The following MAD1L1 variants were observed in gnomAD, a reference collection of about 807,000 sequenced individuals.
MAD1L1 encodes the protein mitotic spindle assembly checkpoint protein MAD1.
Under a neutral mutation model 96.9 loss-of-function variants are expected in MAD1L1, and 95 were observed. The ratio of observed to expected loss-of-function variants is 0.98; its 90% CI spans 0.83 to 1.16. MAD1L1 has a LOEUF of 1.16. MAD1L1 is among the 50% of genes most tolerant of loss of function. The pLI, the probability that MAD1L1 is intolerant of heterozygous loss-of-function variation, is 0.00. For synonymous variants in MAD1L1, 473 were observed against 396.6 expected, an observed-to-expected ratio of 1.19 and a Z score of -2.29; for missense variants, 1,007 against 954.4, an observed-to-expected ratio of 1.06 and a Z score of -0.73.
intron 10 of MAD1L1, among the ~76,000 whole-genome samples, chr7:2,208,854 G>A (rs1211870081): frequency 6.6e-6 from 1 of 152,012 alleles, no homozygotes; most frequent in East Asian, 1.9e-4. Flanking sequence ...TCACCCGTAA[G>A]TCACTCCCCG....
chr7:2,162,719 A>C (rs1790222009), intron 10 of MAD1L1, among the ~76,000 whole-genome samples: 4 of 151,926 alleles, frequency 2.6e-5, no homozygotes. Context: ...AAAAAAAAAA[A>C]AAAAAAACGT....
At chr7:2,225,904 A>G (rs964734448) in intron 3 of MAD1L1, among the ~76,000 whole-genome samples, 5 of 152,222 alleles carry the variant, frequency 3.3e-5, no homozygotes, top group African/African-American at 1.2e-4. Context: ...CTAAAAATCA[A>G]TGCAGTCGGC....
At chr7:1,854,410 C>T (rs758447779) in intron 18 of MAD1L1, 1 of 460,004 alleles carries the variant, frequency 2.2e-6, no homozygotes, top group Non-Finnish European at 4.4e-6. Context: ...GACTAGGTGG[C>T]TCGTAAACAG....
intron 5 of MAD1L1, among the ~76,000 whole-genome samples, chr7:2,219,825 G>C (rs1353854777): frequency 6.6e-6 from 1 of 152,148 alleles, no homozygotes; most frequent in Non-Finnish European, 1.5e-5. Flanking sequence ...CCTGCCACAA[G>C]CCACCCAGGA....
chr7:2,109,274 T>G (rs1200270800), intron 11 of MAD1L1, among the ~76,000 whole-genome samples: 1 of 152,180 alleles, frequency 6.6e-6, no homozygotes, highest in Non-Finnish European at 1.5e-5. Flanking sequence ...GCCACATGGA[T>G]AGTCCCTGCC....
At chr7:2,124,883 G>A (rs982759608) in intron 11 of MAD1L1, among the ~76,000 whole-genome samples, 10 of 152,164 alleles carry the variant, frequency 6.6e-5, no homozygotes, top group East Asian at 1.9e-4. Flanking sequence ...TGATGCCAGC[G>A]GGCCTCCCTG....
In MAD1L1 at chr7:2,006,542, G is replaced by A. The variant is rs1047763397; in HGVS notation, c.1360-4421C>T. On this transcript the variant is annotated intron_variant, in intron 13 of 18. Transcript: ENST00000265854. ...CAAAGAAAACACCGAAACCCGCACG[G>A]CCCAGCACAGGAGAGACGGGACATC... Among the ~76,000 whole-genome samples, 8 of 151,918 alleles carry A rather than the reference G, an allele frequency of 5.3e-5. No homozygotes were observed. In the East Asian group the frequency reaches 9.7e-4, roughly 18 times the overall value.
chr7:1,868,848 G>A (rs1003300680), intron 18 of MAD1L1, among the ~76,000 whole-genome samples: 1 of 152,164 alleles, frequency 6.6e-6, no homozygotes, highest in African/African-American at 2.4e-5. Flanking sequence ...GGGGCCCAGC[G>A]GTGCAAGCCC....
intron 15 of MAD1L1, among the ~76,000 whole-genome samples, chr7:1,978,318 T>C (rs1455985444): frequency 6.6e-6 from 1 of 152,200 alleles, no homozygotes; most frequent in Non-Finnish European, 1.5e-5. Context: ...CAAGGGTCTT[T>C]CTCCCCAGGT....
At chr7:1,876,127 G>A (rs994068756) in intron 18 of MAD1L1, among the ~76,000 whole-genome samples, 1 of 152,160 alleles carries the variant, frequency 6.6e-6, no homozygotes, top group African/African-American at 2.4e-5. Context: ...GGTGGACACG[G>A]CCAGGTCTTA....
chr7:1,839,174 A>G (rs1052799393), intron 18 of MAD1L1, among the ~76,000 whole-genome samples: 4 of 152,210 alleles, frequency 2.6e-5, no homozygotes, highest in Admixed American at 6.5e-5. Context: ...TTGGGGGCAA[A>G]AGGGGCTGGC....
intron 11 of MAD1L1, among the ~76,000 whole-genome samples, chr7:2,077,715 A>C (rs943122814): frequency 1.3e-5 from 2 of 152,220 alleles, no homozygotes; most frequent in African/African-American, 4.8e-5. Context: ...AGGATCCAGG[A>C]GGCTAGCAGG....
At chr7:1,839,744 C>T (rs1411749665) in intron 18 of MAD1L1, among the ~76,000 whole-genome samples, 1 of 152,082 alleles carries the variant, frequency 6.6e-6, no homozygotes, top group Non-Finnish European at 1.5e-5. Flanking sequence ...TCCCCCCCGC[C>T]TCCCCCCGGC....
intron 12 of MAD1L1, among the ~76,000 whole-genome samples, chr7:2,055,553 C>G (rs1252101658): frequency 1.3e-5 from 2 of 151,982 alleles, no homozygotes; most frequent in African/African-American, 4.8e-5. Context: ...ACCTGAAGTC[C>G]CAGCTACTCG....
intron 11 of MAD1L1, among the ~76,000 whole-genome samples, chr7:2,137,986 C>T (rs1485266130): frequency 5.9e-5 from 9 of 152,234 alleles, no homozygotes; most frequent in Admixed American, 5.9e-4. Flanking sequence ...CGACACAGGC[C>T]ATGATGGCAG....
intron 18 of MAD1L1, among the ~76,000 whole-genome samples, chr7:1,882,086 T>C (rs1022374931): frequency 4.6e-5 from 7 of 152,034 alleles, no homozygotes; most frequent in African/African-American, 1.7e-4. Flanking sequence ...CCGTTCACCA[T>C]GCACATCCAC....
chr7:2,017,103 T>C (rs543506826), intron 12 of MAD1L1, among the ~76,000 whole-genome samples: 12 of 152,372 alleles, frequency 7.9e-5, no homozygotes, highest in Admixed American at 7.2e-4. Context: ...AGAAAGTTTG[T>C]TGTTTGTACC....
intron 11 of MAD1L1, among the ~76,000 whole-genome samples, chr7:2,121,269 C>A (rs987423959): frequency 6.6e-6 from 1 of 152,240 alleles, no homozygotes; most frequent in African/African-American, 2.4e-5. Flanking sequence ...AGCCCAGATG[C>A]GGCTCCTCCG....
intron 11 of MAD1L1, chr7:2,107,295 C>G (rs554840674): frequency 7.9e-5 from 12 of 152,548 alleles, no homozygotes; most frequent in African/African-American, 2.2e-4. Context: ...CAGCCCAAGC[C>G]ACAGCAGCCC....
Sources: allele counts gnomAD v4.1 joint callset (sites outside exome capture counted in the v4.1 genomes callset), GRCh38; gene constraint gnomAD v4.1.1; transcripts MANE v1.5; gene names NCBI Gene and HGNC (gene_info 2026-07-23, HGNC 2026-07-21).